The following BCL7A variants were observed in gnomAD, a reference collection of about 807,000 sequenced individuals.
The protein encoded by BCL7A is BAF chromatin remodeling complex subunit BCL7A.
Under a neutral mutation model 28.4 loss-of-function variants are expected in BCL7A, and 11 were observed. The ratio of observed to expected loss-of-function variants is 0.39; its 90% CI spans 0.24 to 0.64. BCL7A has a LOEUF of 0.64. Ranked by LOEUF, BCL7A falls within the 30% of genes least tolerant of loss-of-function variation. BCL7A has a pLI of 0.50. For synonymous variants in BCL7A, 123 were observed against 103.3 expected, an observed-to-expected ratio of 1.19 and a Z score of -1.15; for missense variants, 222 against 274.8, an observed-to-expected ratio of 0.81 and a Z score of 1.36.
intron 4 of BCL7A, among the ~76,000 whole-genome samples, chr12:122,045,245 G>A (rs140413653): frequency 1.5e-3 from 232 of 152,290 alleles, no homozygotes; most frequent in Non-Finnish European, 2.6e-3. Context: ...GCAGAGTGTG[G>A]TGGCATGTGC....
Position 122,022,056 on chromosome 12 carries a change from G to A in BCL7A, c.-36G>A, listed in dbSNP as rs368734588. ...CGCGGAGCGCGAGCAGGACCCGGCG[G>A]GCGCGCTCCCCAGCCTCCGTCTCCC... On this transcript the variant is annotated 5_prime_UTR_variant, in exon 1 of 6. Transcript: ENST00000261822. 1.8e-3 allele frequency: 2,707 copies of A among 1,511,216 alleles called. 3 individuals carry two copies. The highest frequency in any genetic ancestry group is 2.2e-3 in the Non-Finnish European group (2,489 of 1,122,258). The allele number at this position is 1,511,216 out of a possible 1,614,324, so 93.6% of individuals were successfully genotyped here.
rs78254621 is a variant in BCL7A, at chr12:122,028,628, C to T, written c.93-2072C>T. ...ATAGCAGGAGGTGGTGTCTGGGGTC[C>T]GAGCCCAAATCTAATTCTCTTCTGC... On this transcript the variant is annotated intron_variant, in intron 1 of 5. Transcript: ENST00000261822. Among the ~76,000 whole-genome samples the T allele has an allele frequency of 1.3e-3, 196 of 152,154 alleles. 5 individuals are homozygous for T. In the East Asian group the frequency reaches 0.036, roughly 28 times the overall value.
At chr12:122,057,389 A>C (rs998387398) in intron 5 of BCL7A, among the ~76,000 whole-genome samples, 1 of 152,190 alleles carries the variant, frequency 6.6e-6, no homozygotes, top group South Asian at 2.1e-4. Flanking sequence ...CTGGTGAGGA[A>C]CTGGGTTTGT....
At chr12:122,049,310 T>C (rs945329030) in intron 4 of BCL7A, among the ~76,000 whole-genome samples, 4 of 140,682 alleles carry the variant, frequency 2.8e-5, no homozygotes, top group African/African-American at 1.1e-4. Flanking sequence ...AAATAGGGAG[T>C]GTTGGGAAAG....
intron 1 of BCL7A, among the ~76,000 whole-genome samples, chr12:122,024,440 A>T (rs2135836217): frequency 6.8e-6 from 1 of 147,186 alleles, no homozygotes; most frequent in East Asian, 2.1e-4. Flanking sequence ...GACTTTGTAG[A>T]AACTTGGCTT....
chr12:122,033,221 G>A (rs770089696), intron 2 of BCL7A, among the ~76,000 whole-genome samples: 16 of 150,814 alleles, frequency 1.1e-4, no homozygotes, highest in Non-Finnish European at 1.0e-4. Flanking sequence ...CTGCAGCCTC[G>A]ACCTCCTGGG....
Position 122,061,058 on chromosome 12 carries a change from C to T in BCL7A, c.*1895C>T, listed in dbSNP as rs974971005. The T allele has an allele frequency of 1.3e-5, 3 of 226,412 alleles. No individual in the cohort carries two copies. Among genetic ancestry groups the T allele is most frequent in the East Asian group, 6.4e-5 (1 of 15,706 alleles). The allele number at this position is 226,412 out of a possible 1,614,324, so 14.0% of individuals were successfully genotyped here. On this transcript the variant is annotated 3_prime_UTR_variant, in exon 6 of 6. Coordinates refer to ENST00000261822, the MANE Select transcript of BCL7A (RefSeq NM_001024808.3). ...ATCCTGGCGCAGAACCTACCTGATG[C>T]GGTTCCTCTCCACGCATCTCGAGGC... is the stretch of plus-strand genomic sequence containing the variant.
intron 3 of BCL7A, among the ~76,000 whole-genome samples, chr12:122,039,495 TATATATATATA>T (rs1200537143): frequency 1.4e-5 from 2 of 141,366 alleles, no homozygotes; most frequent in East Asian, 2.0e-4. Context: ...CTTAAATATA[TATATATATATA>T]ATATATATAT....
chr12:122,056,864 C>T (rs994822624), intron 5 of BCL7A, among the ~76,000 whole-genome samples: 1 of 152,112 alleles, frequency 6.6e-6, no homozygotes, highest in African/African-American at 2.4e-5. Flanking sequence ...TCCTGACTCC[C>T]TGCGATCCCT....
At chr12:122,025,178 G>C (rs557592389) in intron 1 of BCL7A, among the ~76,000 whole-genome samples, 1 of 152,108 alleles carries the variant, frequency 6.6e-6, no homozygotes, top group African/African-American at 2.4e-5. Context: ...CAGGGCGATG[G>C]TAGGAGACGA....
chr12:122,039,506 AAT>A (rs947400472), intron 3 of BCL7A, among the ~76,000 whole-genome samples: 15 of 114,276 alleles, frequency 1.3e-4, no homozygotes, highest in Admixed American at 1.1e-3. Context: ...ATATATATAT[AAT>A]ATATATATTA....
chr12:122,061,654 G>A lies in BCL7A; in HGVS notation c.*2491G>A, dbSNP rs1438122714. ...GGGGGATCCCGAGCAAAAGCCTTCCGTGGACATCAGGCCCCGTGGCCTCAA... is the reference window on the plus strand; with the variant it reads ...GGGGGATCCCGAGCAAAAGCCTTCCATGGACATCAGGCCCCGTGGCCTCAA... On this transcript the variant is annotated 3_prime_UTR_variant, in exon 6 of 6. Coordinates refer to ENST00000261822, the MANE Select transcript of BCL7A (RefSeq NM_001024808.3). 2.4e-5 allele frequency: 5 copies of A among 207,820 alleles called. No individual in the cohort carries two copies. The highest frequency in any genetic ancestry group is 1.9e-5 in the Non-Finnish European group (2 of 104,822). 12.9% of individuals were successfully genotyped at this position (207,820 alleles called of 1,614,324 possible).
intron 3 of BCL7A, among the ~76,000 whole-genome samples, chr12:122,040,328 G>C (rs1883940534): frequency 6.6e-6 from 1 of 151,872 alleles, no homozygotes; most frequent in African/African-American, 2.4e-5. Context: ...GTCAGGAGTT[G>C]GAGAGCAGCC....
At chr12:122,054,619 C>A (rs1249655316) in intron 4 of BCL7A, among the ~76,000 whole-genome samples, 186 bp from the exon 5 acceptor site, 1 of 152,166 alleles carries the variant, frequency 6.6e-6, no homozygotes, top group Non-Finnish European at 1.5e-5. Context: ...GACCTGGCTG[C>A]TGGAAACAGC....
Position 122,030,734 on chromosome 12 carries a change from C to T in BCL7A, c.127C>T (p.Leu43=). 1.9e-6 allele frequency: 3 copies of T among 1,614,128 alleles called. No individual in the cohort carries two copies. Among genetic ancestry groups the T allele is most frequent in the Non-Finnish European group, 2.5e-6 (3 of 1,179,984 alleles). Residue 43 remains leucine, a synonymous_variant, in exon 2 of 6, where the codon CTA becomes TTA. Coordinates refer to ENST00000261822, the MANE Select transcript of BCL7A (RefSeq NM_001024808.3). The part of the protein sequence containing the change: ...KKWVTVGDTS[L]RIYKWVPVTE... ...ATGGGTGACCGTTGGTGACACATCC[C>T]TACGAATCTACAAATGGGTCCCTGT...
Position 122,039,140 on chromosome 12 carries a change from CA to C in BCL7A, c.271+3720del, listed in dbSNP as rs35271558. 2.2e-3 allele frequency among the ~76,000 whole-genome samples: 339 copies of C among 151,366 alleles called. 1 individual carries two copies. Among genetic ancestry groups the C allele is most frequent in the South Asian group, 0.011 (53 of 4,794 alleles). Reference sequence around the variant, plus strand: ...TGAAACCCCATCTCTACTAAAAATACAAAAAAATTAGCCAGGCGTGGTGGCT... The same window carrying C: ...TGAAACCCCATCTCTACTAAAAATACAAAAAATTAGCCAGGCGTGGTGGCT... On this transcript the variant is annotated intron_variant, in intron 3 of 5. Coordinates refer to ENST00000261822, the MANE Select transcript of BCL7A (RefSeq NM_001024808.3).
chr12:122,030,009 T>G (rs1457905256), intron 1 of BCL7A, among the ~76,000 whole-genome samples: 9 of 152,160 alleles, frequency 5.9e-5, no homozygotes, highest in Non-Finnish European at 2.9e-5. Context: ...CTGGACTCCG[T>G]CCTTCAGGCG....
intron 3 of BCL7A, 39 bp downstream of exon 3, chr12:122,035,466 CG>C (rs777364599): frequency 1.9e-6 from 3 of 1,569,158 alleles, no homozygotes; most frequent in African/African-American, 2.7e-5. Flanking sequence ...CTGCCCAGCC[CG>C]GGGCCTTGGC....
chr12:122,049,715 C>T (rs1884152150), intron 4 of BCL7A, among the ~76,000 whole-genome samples: 1 of 152,074 alleles, frequency 6.6e-6, no homozygotes. Context: ...TAGTGATGGT[C>T]ACTTAGGTGT....
Sources: allele counts gnomAD v4.1 joint callset (sites outside exome capture counted in the v4.1 genomes callset), GRCh38; gene constraint gnomAD v4.1.1; transcripts MANE v1.5; gene names NCBI Gene and HGNC (gene_info 2026-07-23, HGNC 2026-07-21).